Variants in ME3 observed in about 807,000 individuals in gnomAD.
ME3 encodes malic enzyme 3, also known as NADP-dependent malic enzyme, mitochondrial.
ME3 carries 48 observed loss-of-function variants against 68.9 expected under a neutral mutation model. The observed-to-expected ratio is 0.70, with a 90% CI of 0.55 to 0.89. The LOEUF is 0.89. Ranked by LOEUF, ME3 falls within the 40% of genes least tolerant of loss-of-function variation. ME3 has a pLI of 0.00. For missense variants in ME3, 675 were observed against 797.4 expected (o/e 0.85, Z 1.85); for synonymous variants, 320 against 318.8 (o/e 1.00, Z -0.04).
At position 86,671,859 on chromosome 11, in the gene ME3, G is replaced by T. The variant is rs374173188; in HGVS notation, c.86C>A (p.Ala29Glu). The T allele has an allele frequency of 7.0e-5, 111 of 1,580,902 alleles. No individual in the cohort carries two copies. The highest frequency in any genetic ancestry group is 1.7e-4 in the Middle Eastern group (1 of 5,956). The change falls in exon 2 of 15, where the codon GCG becomes GAG. Residue 29 changes from alanine to glutamate, a missense_variant. Physicochemically the swap from Ala to Glu is moderately radical, Grantham distance 107. Coordinates refer to ENST00000543262, the Ensembl canonical transcript of ME3. ...CTTGGAGTGGCAGCCTTGGGCGGGC[G>T]CGGTGGGTGTCCAGCGCGGGAGGGC...
At chr11:86,629,109 G>A (rs1943847726) in intron 2 of ME3, among the ~76,000 whole-genome samples, 1 of 152,194 alleles carries the variant, frequency 6.6e-6, no homozygotes, top group South Asian at 2.1e-4. Flanking sequence ...TGAATTCAAT[G>A]GGTCTGACTG....
intron 2 of ME3, among the ~76,000 whole-genome samples, chr11:86,639,675 G>A (rs1021722003): frequency 1.3e-5 from 2 of 152,168 alleles, no homozygotes; most frequent in African/African-American, 4.8e-5. Flanking sequence ...GATGATATCT[G>A]GAGCAGACAT....
intron 4 of ME3, among the ~76,000 whole-genome samples, chr11:86,552,993 A>C (rs1052111614): frequency 1.3e-5 from 2 of 152,048 alleles, no homozygotes; most frequent in Admixed American, 6.6e-5. Flanking sequence ...CTCTGGGTTG[A>C]GTTCTGTCTC....
chr11:86,444,313 C>G (rs955374374), intron 13 of ME3, among the ~76,000 whole-genome samples: 4 of 151,904 alleles, frequency 2.6e-5, no homozygotes, highest in African/African-American at 9.7e-5. Flanking sequence ...AGGGAGACAC[C>G]AAAAGTGAGG....
At chr11:86,546,738 C>T (rs547134812) in intron 4 of ME3, among the ~76,000 whole-genome samples, 1 of 152,238 alleles carries the variant, frequency 6.6e-6, no homozygotes, top group African/African-American at 2.4e-5. Context: ...TTTGTTCAAC[C>T]ATTGTGGAAG....
chr11:86,669,291 G>T (rs1186845335), intron 2 of ME3, among the ~76,000 whole-genome samples: 1 of 152,164 alleles, frequency 6.6e-6, no homozygotes, highest in Admixed American at 6.5e-5. Flanking sequence ...CTGACTTCAG[G>T]AATATATAAA....
At chr11:86,526,438 C>T (rs746512059) in intron 4 of ME3, among the ~76,000 whole-genome samples, 10 of 152,190 alleles carry the variant, frequency 6.6e-5, no homozygotes, top group Non-Finnish European at 8.8e-5. Context: ...CTCCACCTCT[C>T]GGGGCAGGGC....
chr11:86,465,751 G>A (rs1950445187), intron 7 of ME3, among the ~76,000 whole-genome samples: 1 of 152,226 alleles, frequency 6.6e-6, no homozygotes, highest in Non-Finnish European at 1.5e-5. Flanking sequence ...GGTTAGGAAA[G>A]GCCACTGCAT....
chr11:86,638,279 G>A (rs781019907), intron 2 of ME3, among the ~76,000 whole-genome samples: 8 of 152,166 alleles, frequency 5.3e-5, no homozygotes, highest in Admixed American at 2.0e-4. Context: ...AGTGCAGCAT[G>A]CCTGGGTACA....
chr11:86,607,452 GT>G (rs146485846), intron 2 of ME3, among the ~76,000 whole-genome samples: 2,393 of 133,492 alleles, frequency 0.018, 69 homozygotes, highest in African/African-American at 0.056. Flanking sequence ...GAGAGGCATA[GT>G]TTTTTTTTTT....
At chr11:86,602,797 A>C (rs1382992473) in intron 2 of ME3, among the ~76,000 whole-genome samples, 1 of 152,216 alleles carries the variant, frequency 6.6e-6, no homozygotes, top group African/African-American at 2.4e-5. Context: ...ATAACGCCAC[A>C]TATCTACAAC....
At chr11:86,659,048 G>A (rs937325825) in intron 2 of ME3, among the ~76,000 whole-genome samples, 1 of 152,114 alleles carries the variant, frequency 6.6e-6, no homozygotes, top group African/African-American at 2.4e-5. Flanking sequence ...TGACATGAAG[G>A]CTAAGCTTTC....
intron 2 of ME3, among the ~76,000 whole-genome samples, chr11:86,588,104 A>C (rs987240613): frequency 6.6e-6 from 1 of 152,234 alleles, no homozygotes; most frequent in African/African-American, 2.4e-5. Flanking sequence ...TGTGCCAGGC[A>C]TTGTACTAGG....
chr11:86,504,407 T>TTTTTTTTTTTTTTTTTTA (rs1491166256), intron 5 of ME3, among the ~76,000 whole-genome samples: 3 of 125,564 alleles, frequency 2.4e-5, no homozygotes, highest in African/African-American at 9.7e-5. Context: ...TTTTTTTTTT[T>TTTTTTTTTTTTTTTTTTA]GAGACAGAGT....
At chr11:86,530,862 A>G (rs975778465) in intron 4 of ME3, among the ~76,000 whole-genome samples, 3 of 151,628 alleles carry the variant, frequency 2.0e-5, no homozygotes, top group Admixed American at 2.0e-4. Context: ...GATGGATTAA[A>G]GACTTAAATG....
intron 2 of ME3, among the ~76,000 whole-genome samples, chr11:86,614,562 C>A (rs1942821592): frequency 1.3e-5 from 2 of 152,146 alleles, no homozygotes; most frequent in South Asian, 4.1e-4. Context: ...CAGGCATAAC[C>A]TTCTCTGAGG....
At chr11:86,485,502 T>C (rs1951633805) in intron 7 of ME3, among the ~76,000 whole-genome samples, 1 of 152,194 alleles carries the variant, frequency 6.6e-6, no homozygotes, top group South Asian at 2.1e-4. Context: ...CATATCCCAA[T>C]AGCAGCCCTT....
At chr11:86,590,917 T>G (rs918869297) in intron 2 of ME3, among the ~76,000 whole-genome samples, 3 of 152,172 alleles carry the variant, frequency 2.0e-5, no homozygotes, top group Non-Finnish European at 4.4e-5. Context: ...AGGAAGAAGA[T>G]GCTCTACCAG....
At chr11:86,493,684 T>G in intron 6 of ME3, among the ~76,000 whole-genome samples, 1 of 152,356 alleles carries the variant, frequency 6.6e-6, no homozygotes, top group South Asian at 2.1e-4. Context: ...GGGATGTCCC[T>G]TCTTCATGGG....
Sources: gnomAD v4.1 joint callset for allele counts (sites outside exome capture counted in the v4.1 genomes callset) on GRCh38, gnomAD v4.1.1 for gene constraint, MANE v1.5 for transcripts, NCBI Gene and HGNC (gene_info 2026-07-23, HGNC 2026-07-21) for gene names.